Variants in STK3 observed in about 807,000 individuals in gnomAD.
STK3 encodes serine/threonine kinase 3, also known as serine/threonine-protein kinase 3.
Under a neutral mutation model 58.0 loss-of-function variants are expected in STK3, and 41 were observed. The ratio of observed to expected loss-of-function variants is 0.71; its 90% CI spans 0.55 to 0.92. STK3 has a LOEUF of 0.92. Ranked by LOEUF, STK3 falls within the 40% of genes least tolerant of loss-of-function variation. STK3 has a pLI of 0.00. For missense variants in STK3, 479 were observed against 602.7 expected (o/e 0.79, Z 2.15); for synonymous variants, 170 against 191.0 (o/e 0.89, Z 0.91).
intron 1 of STK3, among the ~76,000 whole-genome samples, chr8:98,922,472 T>C (rs1393392642): frequency 6.6e-6 from 1 of 152,256 alleles, no homozygotes; most frequent in Non-Finnish European, 1.5e-5. Flanking sequence ...GAATATTTCA[T>C]AACTGGGACT....
chr8:98,863,037 T>C (rs1157501036), intron 3 of STK3, among the ~76,000 whole-genome samples: 1 of 152,130 alleles, frequency 6.6e-6, no homozygotes, highest in African/African-American at 2.4e-5. Flanking sequence ...GGATGTCAAA[T>C]GTATTTAAAA....
chr8:98,433,069 T>C (rs952476949), intron 3 of STK3, among the ~76,000 whole-genome samples: 4 of 151,926 alleles, frequency 2.6e-5, no homozygotes, highest in African/African-American at 9.7e-5. Context: ...GGGTGTTTTT[T>C]TTGTTTGTTT....
At chr8:98,675,142 T>C (rs1823104995) in intron 6 of STK3, among the ~76,000 whole-genome samples, 1 of 152,176 alleles carries the variant, frequency 6.6e-6, no homozygotes, top group Admixed American at 6.5e-5. Context: ...TGAATAAAAG[T>C]AGTTCAAATG....
upstream of STK3, among the ~76,000 whole-genome samples, chr8:98,389,619 A>G (rs1817827334): frequency 6.6e-6 from 1 of 151,882 alleles, no homozygotes; most frequent in South Asian, 2.1e-4. Context: ...CTCATTCCCT[A>G]TGACTGCATG....
chr8:98,820,679 T>C (rs1402011208), intron 1 of STK3, among the ~76,000 whole-genome samples: 3 of 152,094 alleles, frequency 2.0e-5, no homozygotes, highest in African/African-American at 4.8e-5. Context: ...AGTTCCCCTA[T>C]AAAAAATCCA....
At chr8:98,803,208 G>A (rs1210459252) in intron 1 of STK3, among the ~76,000 whole-genome samples, 1 of 152,094 alleles carries the variant, frequency 6.6e-6, no homozygotes, top group Admixed American at 6.6e-5. Context: ...ATTACTTCAT[G>A]AAATGCATTC....
At chr8:98,457,092 C>T (rs544787152) in intron 10 of STK3, among the ~76,000 whole-genome samples, 79 of 152,152 alleles carry the variant, frequency 5.2e-4, no homozygotes, top group Non-Finnish European at 9.6e-4. Context: ...CCACTCACTT[C>T]GGTGCATAAG....
intron 10 of STK3, among the ~76,000 whole-genome samples, chr8:98,468,073 A>G (rs1820622846): frequency 6.6e-6 from 1 of 152,242 alleles, no homozygotes; most frequent in Admixed American, 6.5e-5. Flanking sequence ...ATCTAGAAAT[A>G]AACAAGAGTC....
intron 10 of STK3, among the ~76,000 whole-genome samples, chr8:98,490,920 G>T (rs1822636275): frequency 6.6e-6 from 1 of 152,166 alleles, no homozygotes; most frequent in Non-Finnish European, 1.5e-5. Flanking sequence ...ATCTTCCTGA[G>T]ATGATTCAGA....
At chr8:98,512,233 C>T (rs1171576825) in intron 10 of STK3, among the ~76,000 whole-genome samples, 1 of 151,374 alleles carries the variant, frequency 6.6e-6, no homozygotes, top group Non-Finnish European at 1.5e-5. Flanking sequence ...TGTTTTAAAA[C>T]AACCTTTAGC....
At chr8:98,902,632 T>G (rs1004150331) in intron 1 of STK3, among the ~76,000 whole-genome samples, 6 of 152,224 alleles carry the variant, frequency 3.9e-5, no homozygotes, top group Admixed American at 6.5e-5. Flanking sequence ...AGCCTTCTCT[T>G]CTGATAGCTA....
At chr8:98,543,661 T>C (rs1349793603) in intron 9 of STK3, among the ~76,000 whole-genome samples, 4 of 152,054 alleles carry the variant, frequency 2.6e-5, no homozygotes, top group Non-Finnish European at 5.9e-5. Context: ...TTCTGTAAAG[T>C]AGGGAGCAAC....
intron 6 of STK3, among the ~76,000 whole-genome samples, chr8:98,693,242 A>G (rs986210343): frequency 2.0e-5 from 3 of 152,026 alleles, no homozygotes; most frequent in South Asian, 2.1e-4. Flanking sequence ...CAAAAAAAAT[A>G]TAAGATTTAG....
intron 6 of STK3, among the ~76,000 whole-genome samples, chr8:98,674,136 T>C (rs1383693821): frequency 6.6e-6 from 1 of 152,220 alleles, no homozygotes; most frequent in African/African-American, 2.4e-5. Flanking sequence ...TACTGCTATA[T>C]GTCATCCAAG....
intron 10 of STK3, among the ~76,000 whole-genome samples, chr8:98,469,902 C>T (rs546650444): frequency 2.6e-5 from 4 of 152,210 alleles, no homozygotes; most frequent in Non-Finnish European, 4.4e-5. Context: ...TAGTAACTGA[C>T]TGACATACAC....
intron 1 of STK3, among the ~76,000 whole-genome samples, chr8:98,821,224 C>T (rs951854268): frequency 3.9e-5 from 6 of 152,052 alleles, no homozygotes; most frequent in Admixed American, 2.0e-4. Flanking sequence ...CATAGGAGTG[C>T]GAACCCTATT....
At chr8:98,668,058 G>C (rs1370956896) in intron 6 of STK3, among the ~76,000 whole-genome samples, 1 of 151,978 alleles carries the variant, frequency 6.6e-6, no homozygotes, top group Non-Finnish European at 1.5e-5. Context: ...TTTGTTAAAA[G>C]CTTTAATTAA....
At chr8:98,768,377 T>C (rs1403747577) in intron 2 of STK3, among the ~76,000 whole-genome samples, 2 of 152,204 alleles carry the variant, frequency 1.3e-5, no homozygotes, top group East Asian at 1.9e-4. Flanking sequence ...TAGAAATCTA[T>C]GCAGAAGCCC....
intron 1 of STK3, among the ~76,000 whole-genome samples, chr8:98,448,677 T>C (rs1819061338): frequency 6.6e-6 from 1 of 152,178 alleles, no homozygotes; most frequent in African/African-American, 2.4e-5. Context: ...GGTTTAAACA[T>C]AGGCAGGCAC....
Sources: allele counts gnomAD v4.1 joint callset (sites outside exome capture counted in the v4.1 genomes callset), GRCh38; gene constraint gnomAD v4.1.1; transcripts MANE v1.5; gene names NCBI Gene and HGNC (gene_info 2026-07-23, HGNC 2026-07-21).